The following ST8SIA3 variants were observed in gnomAD, a reference collection of about 807,000 sequenced individuals.
ST8SIA3 encodes alpha-N-acetylneuraminate alpha-2,8-sialyltransferase ST8SIA3.
Under a neutral mutation model 34.5 loss-of-function variants are expected in ST8SIA3, and 17 were observed. The ratio of observed to expected loss-of-function variants is 0.49; its 90% confidence interval spans 0.34 to 0.74. ST8SIA3 has a LOEUF of 0.74. Among genes scored for constraint, ST8SIA3 ranks in the 30% least tolerant of loss-of-function variants. The pLI, the probability that ST8SIA3 is intolerant of heterozygous loss-of-function variation, is 0.01. For missense variants in ST8SIA3, 354 were observed against 467.8 expected (o/e 0.76, Z 2.24); for synonymous variants, 172 against 176.1 (o/e 0.98, Z 0.19).
Position 57,356,965 on chromosome 18 carries a change from A to G in ST8SIA3, c.355A>G (p.Asn119Asp), listed in dbSNP as rs747897514. 5.0e-6 allele frequency: 8 copies of G among 1,611,626 alleles called. No individual in the cohort carries two copies. Among genetic ancestry groups the G allele is most frequent in the Non-Finnish European group, 6.8e-6 (8 of 1,179,080 alleles). ...AATAAAAAATTTTTCTTTGACCAAG[A>G]ATAGTGTTCGGATTGGACAACTGAT... ...DVIKNFSLTK[N>D]SVRIGQLMHY... The change falls in exon 3 of 4, where the codon AAT becomes GAT. Residue 119 changes from asparagine to aspartate, a missense_variant. Coordinates refer to ENST00000324000, the MANE Select transcript of ST8SIA3 (RefSeq NM_015879.3).
intron 2 of ST8SIA3, among the ~76,000 whole-genome samples, chr18:57,356,312 G>C (rs2049797272): frequency 6.6e-6 from 1 of 152,050 alleles, no homozygotes; most frequent in Non-Finnish European, 1.5e-5. Context: ...AAAACTCCCT[G>C]TTTCATTATT....
rs760558506 is a variant in ST8SIA3, at chr18:57,352,825, C to T, written c.-22C>T. ...TCAATGGACCGATTTCCCCGGTTTC[C>T]CTGAACCCAGCCCAGCCCGGGATGA... On this transcript the variant is annotated 5_prime_UTR_variant, in exon 1 of 4. Transcript: ENST00000324000. The T allele has an allele frequency of 6.2e-7, 1 of 1,610,834 alleles. No individual in the cohort carries two copies. The highest frequency in any genetic ancestry group is 1.3e-5 in the African/African-American group (1 of 74,816).
chr18:57,353,971 C>A (rs1233554256), intron 1 of ST8SIA3, among the ~76,000 whole-genome samples: 2 of 152,334 alleles, frequency 1.3e-5, no homozygotes, highest in East Asian at 1.9e-4. Flanking sequence ...AAGGCAGGAA[C>A]CACCCCCAGA....
At position 57,366,458 on chromosome 18, in the gene ST8SIA3, A is replaced by T. The variant is rs1039947412; in HGVS notation, c.*6181A>T. On this transcript the variant is annotated 3_prime_UTR_variant, in exon 4 of 4. Transcript: ENST00000324000. Reference sequence around the variant, plus strand: ...AAACCATGTTTGGCTGATCTTTTTTAAAAAATCTATACCTATAGTTCATCA... The same window carrying T: ...AAACCATGTTTGGCTGATCTTTTTTTAAAAATCTATACCTATAGTTCATCA... 8.5e-5 allele frequency: 13 copies of T among 152,522 alleles called. No homozygotes were observed. The highest frequency in any genetic ancestry group is 2.2e-4 in the African/African-American group (9 of 41,544). The allele number at this position is 152,522 out of a possible 1,614,324, so 9.4% of individuals were successfully genotyped here. A position where few individuals can be genotyped will look rare whatever the true frequency, so the allele number is the denominator to read the frequency against.
chr18:57,352,769 C>CACACACACAT lies in ST8SIA3; in HGVS notation c.-77_-76insCACACACATA, dbSNP rs758843003. 4 of 1,024,960 alleles carry CACACACACAT rather than the reference C, an allele frequency of 3.9e-6. No homozygotes were observed. The highest frequency in any genetic ancestry group is 1.7e-5 in the African/African-American group (1 of 58,106). 63.5% of individuals were successfully genotyped at this position (1,024,960 alleles called of 1,614,324 possible). On this transcript the variant is annotated 5_prime_UTR_variant, in exon 1 of 4. Transcript: ENST00000324000. Reference sequence around the variant, plus strand: ...ACACACACACACACACACACACACACATATATACACGCCAGCGAGCTGCTG... The same window carrying CACACACACAT: ...ACACACACACACACACACACACACACACACACACATATATATACACGCCAGCGAGCTGCTG...
In ST8SIA3 at chr18:57,357,039, C is replaced by T. The variant is rs1364194885; in HGVS notation, c.429C>T (p.Asn143=). The change falls in exon 3 of 4, where the codon AAC becomes AAT. Residue 143 remains asparagine (N), a synonymous_variant. Coordinates refer to ENST00000324000, the MANE Select transcript of ST8SIA3 (RefSeq NM_015879.3). ...AATATGTTTTCTCTATTAGCAATAA[C>T]TTCCGGTCACTTCTTCCAGATGTGT... ...SHKYVFSISN[N]FRSLLPDVSP... The T allele has an allele frequency of 1.2e-6, 2 of 1,613,970 alleles. No individual in the cohort carries two copies. Among genetic ancestry groups the T allele is most frequent in the African/African-American group, 1.3e-5 (1 of 74,930 alleles).
At chr18:57,355,354 T>C (rs1312988420) in intron 2 of ST8SIA3, among the ~76,000 whole-genome samples, 5 of 152,314 alleles carry the variant, frequency 3.3e-5, no homozygotes, top group African/African-American at 1.2e-4. Context: ...TGAATACTTA[T>C]TTTACAAACC....
At chr18:57,359,375 TG>T (rs2049816791) in intron 3 of ST8SIA3, among the ~76,000 whole-genome samples, 2 of 152,208 alleles carry the variant, frequency 1.3e-5, no homozygotes, top group Admixed American at 1.3e-4. Context: ...ATGCTGAAGA[TG>T]GGCTTGGGAA....
intron 3 of ST8SIA3, among the ~76,000 whole-genome samples, chr18:57,359,759 C>T (rs1033579587): frequency 6.6e-6 from 1 of 152,156 alleles, no homozygotes; most frequent in East Asian, 1.9e-4. Flanking sequence ...CTCTTGCACT[C>T]GAAATTTTCA....
rs2049852041 is a variant in ST8SIA3, at chr18:57,364,921, G to T, written c.*4644G>T. 6.6e-6 allele frequency: 1 copy of T among 152,284 alleles called. No homozygotes were observed. The highest frequency in any genetic ancestry group is 6.5e-5 in the Admixed American group (1 of 15,290). 9.4% of individuals were successfully genotyped at this position (152,284 alleles called of 1,614,324 possible). The stretch of plus-strand genomic sequence containing the variant: ...GATTGAAGACATATGTGTATGAATA[G>T]ATGTTCCTCAGTGAAGCCTATTCTC... On this transcript the variant is annotated 3_prime_UTR_variant, in exon 4 of 4. Transcript: ENST00000324000.
rs1176901293 is a variant in ST8SIA3, at chr18:57,364,826, A to G, written c.*4549A>G. On this transcript the variant is annotated 3_prime_UTR_variant, in exon 4 of 4. Transcript: ENST00000324000. ...CATTTGAAATGGGAAACACTTTAGA[A>G]TGTCATTATTGTATTATATATTGTC... is the stretch of plus-strand genomic sequence containing the variant. 1 of 152,636 alleles carries G rather than the reference A, an allele frequency of 6.6e-6. No homozygotes were observed. The highest frequency in any genetic ancestry group is 1.5e-5 in the Non-Finnish European group (1 of 68,040). The allele number at this position is 152,636 out of a possible 1,614,324, so 9.5% of individuals were successfully genotyped here.
In ST8SIA3 at chr18:57,352,575, G is replaced by T. The variant is rs1293564578; in HGVS notation, c.-272G>T. 6.8e-6 allele frequency: 3 copies of T among 439,772 alleles called. No homozygotes were observed. The highest frequency in any genetic ancestry group is 6.4e-5 in the South Asian group (3 of 47,020). 27.2% of individuals were successfully genotyped at this position (439,772 alleles called of 1,614,324 possible). A position where few individuals can be genotyped will look rare whatever the true frequency, so the allele number is the denominator to read the frequency against. On this transcript the variant is annotated 5_prime_UTR_variant, in exon 1 of 4. Transcript: ENST00000324000. ...GCGCGCTCCTTCGCCACGCCGCCGC[G>T]CAGCCCCTCCATCTTCCTGCTCGGC...
rs2049772268 is a variant in ST8SIA3, at chr18:57,352,816, C to T, written c.-31C>T. ...GCTGGCCGCTCAATGGACCGATTTC[C>T]CCGGTTTCCCTGAACCCAGCCCAGC... On this transcript the variant is annotated 5_prime_UTR_variant, in exon 1 of 4. Transcript: ENST00000324000. The T allele has an allele frequency of 1.9e-6, 3 of 1,606,812 alleles. No individual in the cohort carries two copies. The highest frequency in any genetic ancestry group is 1.3e-5 in the African/African-American group (1 of 74,676).
At position 57,354,492 on chromosome 18, in the gene ST8SIA3, GA is replaced by G; in HGVS notation, c.273del (p.Lys91AsnfsTer20). On this transcript the variant is annotated frameshift_variant, in exon 2 of 4. Transcript: ENST00000324000. LOFTEE classifies it high-confidence loss of function. ...AACTCCAAGAGAAACCTTCTAAGTG[GA>G]AATTTAATCGGACAGCGTTTTTACA... ...QELQEKPSKW[K>X]FNRTAFLHQR... 1 of 1,614,152 alleles carries G rather than the reference GA, an allele frequency of 6.2e-7. No individual in the cohort carries two copies. Among genetic ancestry groups the G allele is most frequent in the Non-Finnish European group, 8.5e-7 (1 of 1,180,002 alleles).
rs1159549167 is a variant in ST8SIA3, at chr18:57,360,474, G to A, written c.*197G>A. ...AGGACAGATGCATTGAAGCCACATG[G>A]TTTAGACTTGATTGATAAAGGGAAT... On this transcript the variant is annotated 3_prime_UTR_variant, in exon 4 of 4. Coordinates refer to ENST00000324000, the MANE Select transcript of ST8SIA3 (RefSeq NM_015879.3). The A allele has an allele frequency of 1.7e-6, 1 of 583,090 alleles. No individual in the cohort carries two copies. Among genetic ancestry groups the A allele is most frequent in the Non-Finnish European group, 3.0e-6 (1 of 334,336 alleles). 36.1% of individuals were successfully genotyped at this position (583,090 alleles called of 1,614,324 possible). A position where few individuals can be genotyped will look rare whatever the true frequency, so the allele number is the denominator to read the frequency against.
chr18:57,353,151 C>A, intron 1 of ST8SIA3, 126 bp downstream of exon 1: 1 of 849,258 alleles, frequency 1.2e-6, no homozygotes, highest in Non-Finnish European at 1.8e-6. Flanking sequence ...ACTGCGCGGT[C>A]CTTCCACTCC....
chr18:57,352,878 G>A lies in ST8SIA3; in HGVS notation c.32G>A (p.Ser11Asn). Reference sequence around the variant, plus strand: ...AACTGCAAAATGGCCCGGGTCGCCAGTGTGCTGGGGCTGGTCATGCTCAGC... The same window carrying A: ...AACTGCAAAATGGCCCGGGTCGCCAATGTGCTGGGGCTGGTCATGCTCAGC... MRNCKMARVA[S>N]VLGLVMLSVA... The change falls in exon 1 of 4, where the codon AGT becomes AAT. Residue 11 changes from serine (S) to asparagine (N), a missense_variant. Physicochemically the swap from Ser to Asn is conservative, Grantham distance 46. Coordinates refer to ENST00000324000, the MANE Select transcript of ST8SIA3 (RefSeq NM_015879.3). 1 of 1,613,788 alleles carries A rather than the reference G, an allele frequency of 6.2e-7. No homozygotes were observed. Among genetic ancestry groups the A allele is most frequent in the Non-Finnish European group, 8.5e-7 (1 of 1,179,992 alleles).
Position 57,357,198 on chromosome 18 carries a change from T to C in ST8SIA3, c.588T>C (p.Ala196=). The C allele has an allele frequency of 1.9e-6, 3 of 1,614,158 alleles. No homozygotes were observed. The highest frequency in any genetic ancestry group is 2.5e-6 in the Non-Finnish European group (3 of 1,180,006). Residue 196 remains alanine (A), a synonymous_variant, in exon 3 of 4, where the codon GCT becomes GCC. Coordinates refer to ENST00000324000, the MANE Select transcript of ST8SIA3 (RefSeq NM_015879.3). ...VFRCNFAPTE[A]FQRDVGRKTN... ...GTTGCAATTTCGCCCCTACGGAGGC[T>C]TTCCAAAGAGATGTTGGAAGAAAAA...
Position 57,359,611 on chromosome 18 carries a change from T to A in ST8SIA3, c.861-384T>A, listed in dbSNP as rs367879855. Among the ~76,000 whole-genome samples, 10 of 152,302 alleles carry A rather than the reference T, an allele frequency of 6.6e-5. No individual in the cohort carries two copies. The South Asian group carries it at 1.0e-3, about 16-fold the overall frequency. ...TTCTTTTTGGTGGCCTTCTGTTGTG[T>A]CACCGCTGGGTCAGAGCCACACCAC... On this transcript the variant is annotated intron_variant, in intron 3 of 3. Transcript: ENST00000324000.
Sources: allele counts gnomAD v4.1 joint callset (sites outside exome capture counted in the v4.1 genomes callset), GRCh38; gene constraint gnomAD v4.1.1; transcripts MANE v1.5; gene names NCBI Gene and HGNC (gene_info 2026-07-23, HGNC 2026-07-21).